The following RALYL variants were observed in gnomAD, a reference collection of about 807,000 sequenced individuals.
RALYL encodes the protein RNA-binding Raly-like protein.
RALYL carries 29 observed loss-of-function variants against 35.1 expected under a neutral mutation model. The ratio of observed to expected loss-of-function variants is 0.83; its 90% CI spans 0.61 to 1.13. The LOEUF (loss-of-function observed/expected upper bound fraction) is 1.13, where lower values mean the gene tolerates loss of function less well. Among genes scored for constraint, RALYL ranks in the 50% most tolerant of loss-of-function variants. RALYL has a pLI of 0.00. For synonymous variants in RALYL, 120 were observed against 127.6 expected (o/e 0.94, Z 0.40); for missense variants, 359 against 360.4 (o/e 1.00, Z 0.03).
intron 2 of RALYL, among the ~76,000 whole-genome samples, chr8:84,702,868 A>G (rs1452756417): frequency 3.3e-5 from 5 of 152,160 alleles, no homozygotes; most frequent in African/African-American, 1.2e-4. Flanking sequence ...TAAAGATTCA[A>G]TTTAAGTAAA....
chr8:84,468,865 A>G (rs1484341148), intron 1 of RALYL, among the ~76,000 whole-genome samples: 1 of 151,392 alleles, frequency 6.6e-6, no homozygotes, highest in Non-Finnish European at 1.5e-5. Flanking sequence ...TTTTCTCTAG[A>G]CTTCCCTTCT....
chr8:84,692,460 C>T (rs1838255841), intron 2 of RALYL, among the ~76,000 whole-genome samples: 1 of 151,972 alleles, frequency 6.6e-6, no homozygotes, highest in East Asian at 1.9e-4. Flanking sequence ...AATGTTTCAG[C>T]ATAAATCTAA....
At chr8:84,480,177 T>C (rs2053894967) in intron 1 of RALYL, among the ~76,000 whole-genome samples, 1 of 152,174 alleles carries the variant, frequency 6.6e-6, no homozygotes, top group African/African-American at 2.4e-5. Flanking sequence ...ATAAATAATA[T>C]TCTGAACTGA....
chr8:84,435,443 A>G (rs1411264213), intron 1 of RALYL, among the ~76,000 whole-genome samples: 1 of 152,300 alleles, frequency 6.6e-6, no homozygotes, highest in Middle Eastern at 3.4e-3. Flanking sequence ...TCCAAAAACA[A>G]CACTAAATAA....
chr8:84,545,707 CT>C (rs1378245287), intron 2 of RALYL, among the ~76,000 whole-genome samples: 1 of 151,990 alleles, frequency 6.6e-6, no homozygotes, highest in African/African-American at 2.4e-5. Context: ...CACATTATAT[CT>C]TTTTTTCTTT....
intron 4 of RALYL, among the ~76,000 whole-genome samples, chr8:84,832,762 A>G (rs190146447): frequency 8.7e-4 from 133 of 152,294 alleles, no homozygotes; most frequent in Non-Finnish European, 1.2e-3. Flanking sequence ...CTCTTCTCTA[A>G]AAAGAATCCC....
intron 4 of RALYL, among the ~76,000 whole-genome samples, chr8:84,841,575 C>T (rs556452539): frequency 1.3e-5 from 2 of 152,284 alleles, no homozygotes; most frequent in South Asian, 4.1e-4. Context: ...AGAAAGTTAA[C>T]AAGGATATCC....
intron 1 of RALYL, among the ~76,000 whole-genome samples, chr8:84,373,438 G>T (rs148786428): frequency 2.6e-5 from 4 of 152,032 alleles, no homozygotes; most frequent in South Asian, 4.2e-4. Flanking sequence ...TCTGCACATG[G>T]CTAGTGAGTT....
At chr8:84,472,088 C>T (rs758127614) in intron 1 of RALYL, among the ~76,000 whole-genome samples, 1 of 152,066 alleles carries the variant, frequency 6.6e-6, no homozygotes, top group Non-Finnish European at 1.5e-5. Flanking sequence ...TCTAAACATT[C>T]TAATTCTTTG....
chr8:84,596,431 G>A (rs558940282), intron 2 of RALYL, among the ~76,000 whole-genome samples: 4 of 152,136 alleles, frequency 2.6e-5, no homozygotes, highest in Non-Finnish European at 5.9e-5. Flanking sequence ...GGAAATACTG[G>A]ACAGGAACCA....
At chr8:84,335,768 T>A (rs1157123921) in intron 1 of RALYL, among the ~76,000 whole-genome samples, 2 of 148,658 alleles carry the variant, frequency 1.3e-5, no homozygotes, top group Non-Finnish European at 3.0e-5. Flanking sequence ...TCATCTTACT[T>A]GGTGGGCAAA....
intron 1 of RALYL, among the ~76,000 whole-genome samples, chr8:84,387,433 T>C (rs1859472256): frequency 6.6e-6 from 1 of 151,888 alleles, no homozygotes. Context: ...AAAACTTATT[T>C]TTATTTATTA....
At chr8:84,683,842 A>T (rs894342269) in intron 2 of RALYL, among the ~76,000 whole-genome samples, 1 of 152,114 alleles carries the variant, frequency 6.6e-6, no homozygotes, top group African/African-American at 2.4e-5. Context: ...ATGTGCCACC[A>T]TGCCCAGCTT....
intron 8 of RALYL, among the ~76,000 whole-genome samples, chr8:84,901,961 T>C (rs969752152): frequency 2.6e-5 from 4 of 152,160 alleles, no homozygotes; most frequent in Non-Finnish European, 4.4e-5. Flanking sequence ...GGTGGTTCTT[T>C]GCAATAAGCC....
intron 5 of RALYL, among the ~76,000 whole-genome samples, chr8:84,853,863 G>A (rs1836393441): frequency 1.3e-5 from 2 of 151,970 alleles, no homozygotes; most frequent in African/African-American, 4.8e-5. Flanking sequence ...TTTTAGCAGA[G>A]GTGCAAACTT....
chr8:84,228,562 A>G (rs1824538381), intron 1 of RALYL, among the ~76,000 whole-genome samples: 1 of 152,200 alleles, frequency 6.6e-6, no homozygotes, highest in African/African-American at 2.4e-5. Flanking sequence ...ACACTTCTAT[A>G]TGTCTTAGGA....
intron 4 of RALYL, among the ~76,000 whole-genome samples, chr8:84,849,694 G>A (rs1048806556): frequency 6.6e-6 from 1 of 151,974 alleles, no homozygotes; most frequent in Non-Finnish European, 1.5e-5. Flanking sequence ...GTGTAGCTGG[G>A]ACTACAGGCG....
chr8:84,278,524 T>A (rs1168057541), intron 1 of RALYL, among the ~76,000 whole-genome samples: 1 of 152,240 alleles, frequency 6.6e-6, no homozygotes, highest in Non-Finnish European at 1.5e-5. Context: ...AATGGGTTTT[T>A]CCTTTCTATT....
chr8:84,443,153 A>G (rs993387468), intron 1 of RALYL, among the ~76,000 whole-genome samples: 2 of 152,088 alleles, frequency 1.3e-5, no homozygotes, highest in African/African-American at 2.4e-5. Flanking sequence ...GTTATTGCCT[A>G]CTTTACAGAA....
Sources: allele counts gnomAD v4.1 joint callset (sites outside exome capture counted in the v4.1 genomes callset), GRCh38; gene constraint gnomAD v4.1.1; transcripts MANE v1.5; gene names NCBI Gene and HGNC (gene_info 2026-07-23, HGNC 2026-07-21).